UBAP1: variants seen among roughly 807,000 people sequenced by gnomAD.
The protein encoded by UBAP1 is ubiquitin-associated protein 1.
In UBAP1, 5 loss-of-function variants were observed where a neutral mutation model predicts 39.0. That is an observed-to-expected ratio of 0.13 (90% CI 0.07 to 0.27). The LOEUF is 0.27. UBAP1 is among the 10% of genes least tolerant of loss of function. UBAP1 has a pLI of 1.00. For synonymous variants in UBAP1, 211 were observed against 225.1 expected, an observed-to-expected ratio of 0.94 and a Z score of 0.56; for missense variants, 490 against 608.1, an observed-to-expected ratio of 0.81 and a Z score of 2.04.
At chr9:34,250,026 G>A in intron 5 of UBAP1, 65 bp downstream of exon 5, 1 of 1,547,000 alleles carries the variant, frequency 6.5e-7, no homozygotes, top group South Asian at 1.2e-5. Context: ...GTCCTCCCCT[G>A]TCCTAGAGCC....
intron 4 of UBAP1, among the ~76,000 whole-genome samples, chr9:34,246,843 C>G (rs948887348): frequency 4.6e-5 from 7 of 151,348 alleles, no homozygotes; most frequent in African/African-American, 1.7e-4. Flanking sequence ...CACAAACGTA[C>G]TTTCCCTCAA....
chr9:34,179,131 G>T lies in UBAP1; in HGVS notation c.-117G>T. 7.9e-7 allele frequency: 1 copy of T among 1,265,460 alleles called. No individual in the cohort carries two copies. The highest frequency in any genetic ancestry group is 1.0e-6 in the Non-Finnish European group (1 of 1,003,486). The allele number at this position is 1,265,460 out of a possible 1,614,324, so 78.4% of individuals were successfully genotyped here. On this transcript the variant is annotated 5_prime_UTR_variant, in exon 1 of 7. Coordinates refer to ENST00000297661, the MANE Select transcript of UBAP1 (RefSeq NM_016525.5). The stretch of plus-strand genomic sequence containing the variant: ...GGAGCGGGCAGAGTTGGAGGTGGTG[G>T]CGTTCGCTCTCCCTAGGGGCTGTCG...
chr9:34,216,419 A>G (rs1003858012), intron 1 of UBAP1, among the ~76,000 whole-genome samples: 1 of 151,832 alleles, frequency 6.6e-6, no homozygotes, highest in Non-Finnish European at 1.5e-5. Context: ...GTCTCTTTGG[A>G]TTTTCCCTTT....
At chr9:34,205,888 A>G (rs994514421) in intron 1 of UBAP1, among the ~76,000 whole-genome samples, 1 of 152,336 alleles carries the variant, frequency 6.6e-6, no homozygotes, top group Admixed American at 6.5e-5. Flanking sequence ...GCTACTCAGG[A>G]GGCTGAGACA....
In UBAP1 at chr9:34,224,077, C is replaced by A. The variant is rs140004318; in HGVS notation, c.34+3129C>A. The stretch of plus-strand genomic sequence containing the variant: ...CGTCTGTTTGGCCACACTGTCCCGG[C>A]CTTGAAGTGATGCACGCAAGAAGCT... On this transcript the variant is annotated intron_variant, in intron 2 of 6. Coordinates refer to ENST00000297661, the MANE Select transcript of UBAP1 (RefSeq NM_016525.5). 21 of 642,274 alleles carry A rather than the reference C, an allele frequency of 3.3e-5. No individual in the cohort carries two copies. The African/African-American group carries it at 3.5e-4, about 11-fold the overall frequency. The allele number at this position is 642,274 out of a possible 1,614,324, so 39.8% of individuals were successfully genotyped here. A position where few individuals can be genotyped will look rare whatever the true frequency, so the allele number is the denominator to read the frequency against.
Position 34,241,199 on chromosome 9 carries a change from G to T in UBAP1, c.174G>T (p.Leu58Phe). The T allele has an allele frequency of 6.8e-7, 1 of 1,466,992 alleles. No homozygotes were observed. Among genetic ancestry groups the T allele is most frequent in the Non-Finnish European group, 9.0e-7 (1 of 1,108,374 alleles). The allele number at this position is 1,466,992 out of a possible 1,614,324, so 90.9% of individuals were successfully genotyped here. A position where few individuals can be genotyped will look rare whatever the true frequency, so the allele number is the denominator to read the frequency against. ...TATCTTTGCAGTATGACTTCTCTTT[G>T]GAAAAGAAAACCATTGAGTGGGCTG... ...VVREVQYDFS[L>F]EKKTIEWAEE... Residue 58 changes from leucine to phenylalanine, a missense_variant, in exon 4 of 7, where the codon TTG becomes TTT. Physicochemically the swap from Leu to Phe is conservative, Grantham distance 22 (BLOSUM62 0). Around this residue, in one of 3 missense-constraint regions of UBAP1, gnomAD observed 144 missense variants for 184.4 expected, o/e 0.78. Coordinates refer to ENST00000297661, the MANE Select transcript of UBAP1 (RefSeq NM_016525.5).
At chr9:34,228,602 C>G (rs1269033436) in intron 2 of UBAP1, among the ~76,000 whole-genome samples, 1 of 124,696 alleles carries the variant, frequency 8.0e-6, no homozygotes, top group Non-Finnish European at 1.6e-5. Flanking sequence ...GAGATGGAGT[C>G]TCAGTCACCC....
intron 1 of UBAP1, among the ~76,000 whole-genome samples, chr9:34,182,122 G>A (rs1830071104): frequency 6.7e-6 from 1 of 149,444 alleles, no homozygotes; most frequent in African/African-American, 2.5e-5. Flanking sequence ...CACATTATTT[G>A]GTGTATCTTT....
intron 3 of UBAP1, among the ~76,000 whole-genome samples, chr9:34,236,111 C>T (rs1274709682): frequency 2.6e-5 from 4 of 151,652 alleles, no homozygotes; most frequent in Admixed American, 6.6e-5. Flanking sequence ...CCGCCCACCT[C>T]GACCTCCCAA....
In UBAP1 at chr9:34,188,905, C is replaced by T. The variant is rs573707302; in HGVS notation, c.-8+9665C>T. ...CCGGGAGGCAGAGGTTTCGGTGAGC[C>T]GAGATCGTACCATTGCACTCCAGCC... On this transcript the variant is annotated intron_variant, in intron 1 of 6. Coordinates refer to ENST00000297661, the MANE Select transcript of UBAP1 (RefSeq NM_016525.5). Among the ~76,000 whole-genome samples, 11 of 152,050 alleles carry T rather than the reference C, an allele frequency of 7.2e-5. No homozygotes were observed. In the East Asian group the frequency reaches 2.1e-3, roughly 30 times the overall value.
chr9:34,194,719 A>G (rs1830925427), intron 1 of UBAP1, among the ~76,000 whole-genome samples: 1 of 152,220 alleles, frequency 6.6e-6, no homozygotes, highest in Admixed American at 6.5e-5. Context: ...CCATGTGTTC[A>G]GATTGTTCTA....
At chr9:34,200,867 A>G (rs1831329979) in intron 1 of UBAP1, among the ~76,000 whole-genome samples, 1 of 152,064 alleles carries the variant, frequency 6.6e-6, no homozygotes, top group Non-Finnish European at 1.5e-5. Flanking sequence ...TTTTTGCTTA[A>G]TTGTGAGCTT....
intron 4 of UBAP1, among the ~76,000 whole-genome samples, chr9:34,243,453 G>A (rs1338136447): frequency 6.6e-6 from 1 of 151,768 alleles, no homozygotes; most frequent in African/African-American, 2.4e-5. Context: ...CCACCTGCAG[G>A]TATAAACAGA....
chr9:34,225,103 A>G (rs1354404572), intron 2 of UBAP1, among the ~76,000 whole-genome samples: 7 of 152,228 alleles, frequency 4.6e-5, no homozygotes, highest in Non-Finnish European at 1.0e-4. Context: ...GGTCCTCCAA[A>G]GTTAGATATC....
At chr9:34,237,028 T>C (rs1833735533) in intron 3 of UBAP1, among the ~76,000 whole-genome samples, 1 of 152,142 alleles carries the variant, frequency 6.6e-6, no homozygotes, top group Non-Finnish European at 1.5e-5. Context: ...CTCACTATAC[T>C]GAAAACTCCG....
rs115792932 is a variant in UBAP1, at chr9:34,220,591, A to G, written c.-7-317A>G. On this transcript the variant is annotated intron_variant, in intron 1 of 6. Transcript: ENST00000297661. ...TCCTCCCAGCTCGGCCTCACAAAGT[A>G]CTGGGATATAGGAGTGAGCCACCAA... 5.9e-3 allele frequency: 1,434 copies of G among 243,192 alleles called. 25 individuals carry two copies. Among genetic ancestry groups the G allele is most frequent in the African/African-American group, 0.03 (1,308 of 43,172 alleles). 15.1% of individuals were successfully genotyped at this position (243,192 alleles called of 1,614,324 possible). A position where few individuals can be genotyped will look rare whatever the true frequency, so the allele number is the denominator to read the frequency against.
intron 1 of UBAP1, among the ~76,000 whole-genome samples, chr9:34,201,053 A>G (rs1431330074): frequency 2.0e-5 from 3 of 152,018 alleles, no homozygotes; most frequent in African/African-American, 7.2e-5. Flanking sequence ...AGCTGGGATT[A>G]CAGGCATGCG....
At chr9:34,194,264 A>G (rs1331261759) in intron 1 of UBAP1, among the ~76,000 whole-genome samples, 1 of 151,918 alleles carries the variant, frequency 6.6e-6, no homozygotes, top group Non-Finnish European at 1.5e-5. Context: ...AGAATGTGTA[A>G]TAGCTATTTT....
At chr9:34,224,434 G>T in intron 2 of UBAP1, 1 of 398,906 alleles carries the variant, frequency 2.5e-6, no homozygotes, top group East Asian at 4.4e-5. Flanking sequence ...AGCCCCAGGA[G>T]AAATTCCCTA....
Sources: allele counts gnomAD v4.1 joint callset (sites outside exome capture counted in the v4.1 genomes callset), GRCh38; gene constraint gnomAD v4.1.1; regional missense constraint gnomAD v4.1.1; transcripts MANE v1.5; gene names NCBI Gene and HGNC (gene_info 2026-07-23, HGNC 2026-07-21).